Variants in CSMD3 observed in about 807,000 individuals in gnomAD.
CSMD3 encodes CUB and Sushi multiple domains 3, also known as CUB and sushi domain-containing protein 3.
Under a neutral mutation model 435.2 loss-of-function variants are expected in CSMD3, and 177 were observed. The observed-to-expected ratio is 0.41, with a 90% CI of 0.36 to 0.46. The LOEUF is 0.46. Ranked by LOEUF, CSMD3 falls within the 20% of genes least tolerant of loss-of-function variation. The probability of loss-of-function intolerance (pLI) is 0.34; values close to 1 mark genes in which losing one functional copy is unlikely to be tolerated. For missense variants in CSMD3, 4,265 were observed against 4,504.6 expected, an observed-to-expected ratio of 0.95 and a Z score of 1.52; for synonymous variants, 1,656 against 1,520.5, an observed-to-expected ratio of 1.09 and a Z score of -2.07.
At chr8:112,949,668 A>G (rs1723323327) in intron 8 of CSMD3, among the ~76,000 whole-genome samples, 1 of 152,010 alleles carries the variant, frequency 6.6e-6, no homozygotes, top group South Asian at 2.1e-4. Flanking sequence ...TTCCATTTTC[A>G]TCCACCTACA....
intron 3 of CSMD3, among the ~76,000 whole-genome samples, chr8:113,258,276 G>C (rs2093400031): frequency 6.6e-6 from 1 of 152,136 alleles, no homozygotes; most frequent in African/African-American, 2.4e-5. Flanking sequence ...ATTTTTACTA[G>C]TAGAACGAGA....
chr8:112,530,610 A>G (rs1825430308), intron 27 of CSMD3, among the ~76,000 whole-genome samples: 1 of 152,200 alleles, frequency 6.6e-6, no homozygotes, highest in Non-Finnish European at 1.5e-5. Context: ...GGAGCTCATC[A>G]CCATTAGACA....
At chr8:113,154,668 T>C (rs1255045847) in intron 4 of CSMD3, among the ~76,000 whole-genome samples, 1 of 151,986 alleles carries the variant, frequency 6.6e-6, no homozygotes, top group Admixed American at 6.6e-5. Flanking sequence ...AATGAAAAGA[T>C]GCATAGTGCA....
chr8:113,014,740 A>G (rs2086388742), intron 6 of CSMD3, among the ~76,000 whole-genome samples: 1 of 152,126 alleles, frequency 6.6e-6, no homozygotes, highest in South Asian at 2.1e-4. Flanking sequence ...TTAAGACTCA[A>G]AGAAATATGA....
At chr8:113,345,863 C>T (rs563076912) in intron 1 of CSMD3, among the ~76,000 whole-genome samples, 1 of 152,126 alleles carries the variant, frequency 6.6e-6, no homozygotes, top group South Asian at 2.1e-4. Context: ...GATGGGAATT[C>T]ACACACCCCG....
chr8:113,344,506 A>C (rs2094139765), intron 1 of CSMD3, among the ~76,000 whole-genome samples: 1 of 152,144 alleles, frequency 6.6e-6, no homozygotes, highest in Non-Finnish European at 1.5e-5. Flanking sequence ...GCTTCGAAAT[A>C]ATGTGAAATT....
chr8:112,570,412 A>C (rs1410861446), intron 24 of CSMD3, among the ~76,000 whole-genome samples: 1 of 152,236 alleles, frequency 6.6e-6, no homozygotes, highest in East Asian at 1.9e-4. Flanking sequence ...ACCACAAAAG[A>C]AACATTGAAA....
intron 13 of CSMD3, among the ~76,000 whole-genome samples, chr8:112,755,909 GTTTTA>G (rs139913436): frequency 0.33 from 48,451 of 148,946 alleles, 8,707 homozygotes; most frequent in African/African-American, 0.49. Flanking sequence ...ATTTTATTTA[GTTTTA>G]TTTTATTTTA....
intron 13 of CSMD3, among the ~76,000 whole-genome samples, chr8:112,718,772 T>A (rs2076791430): frequency 6.6e-6 from 1 of 152,072 alleles, no homozygotes; most frequent in Non-Finnish European, 1.5e-5. Flanking sequence ...CCTATTTATA[T>A]GTACCTGTCC....
chr8:112,857,414 A>G (rs1442719432), intron 11 of CSMD3, among the ~76,000 whole-genome samples: 2 of 151,808 alleles, frequency 1.3e-5, no homozygotes, highest in African/African-American at 4.8e-5. Context: ...ATTTAAAGTT[A>G]GCAAAGCAAA....
At chr8:112,763,230 T>C (rs1357033693) in intron 13 of CSMD3, among the ~76,000 whole-genome samples, 4 of 151,558 alleles carry the variant, frequency 2.6e-5, no homozygotes, top group Admixed American at 2.6e-4. Context: ...ATTAAAATGA[T>C]AAAATGAAAA....
chr8:112,972,471 AG>A (rs1490560664), intron 7 of CSMD3, among the ~76,000 whole-genome samples: 4 of 151,840 alleles, frequency 2.6e-5, no homozygotes, highest in Non-Finnish European at 4.4e-5. Flanking sequence ...AAGGGCTAAA[AG>A]CAAGGCCTTT....
In CSMD3 at chr8:112,859,242, T is replaced by C; in HGVS notation, c.1658A>G (p.Gln553Arg). Residue 553 changes from glutamine to arginine, a missense_variant, in exon 11 of 71, where the codon CAA (glutamine) becomes CGA (arginine). Physicochemically the swap from Gln to Arg is conservative, Grantham distance 43. Around this residue, in one of 3 missense-constraint regions of CSMD3, gnomAD observed 731 missense variants for 755.4 expected, o/e 0.97. Transcript: ENST00000297405. ...AGATGTAAAGGTACCACTTGGTCCT[T>C]GAAGATTAGAGCCACACGTTTTCAC... ...CKVKTCGSNL[Q>R]GPSGTFTSPN... 1 of 1,611,460 alleles carries C rather than the reference T, an allele frequency of 6.2e-7. No homozygotes were observed. The highest frequency in any genetic ancestry group is 8.5e-7 in the Non-Finnish European group (1 of 1,177,974).
chr8:112,552,565 G>C (rs749795758), intron 26 of CSMD3, 29 bp downstream of exon 26: 1 of 1,604,394 alleles, frequency 6.2e-7, no homozygotes, highest in Non-Finnish European at 8.5e-7. Context: ...AGATTCCCTA[G>C]TAATGTTGAG....
rs575504831 is a variant in CSMD3 at position 113,138,165 on chromosome 8, G to A, written c.709+35557C>T. On this transcript the variant is annotated intron_variant, in intron 4 of 70. Transcript: ENST00000297405. ...ACACTCAAAGGACACTCAATTTACC[G>A]TAATTATTATTCAAAGTGTTTTCCT... 5.3e-5 allele frequency among the ~76,000 whole-genome samples: 8 copies of A among 151,250 alleles called. No individual in the cohort carries two copies. In the East Asian group the frequency reaches 7.8e-4, roughly 15 times the overall value.
chr8:113,097,840 A>G (rs1375212010), intron 5 of CSMD3, among the ~76,000 whole-genome samples: 1 of 152,010 alleles, frequency 6.6e-6, no homozygotes, highest in Non-Finnish European at 1.5e-5. Flanking sequence ...TTTTATTTCA[A>G]TACTGCCTTC....
At chr8:113,222,310 C>T (rs2092976960) in intron 3 of CSMD3, among the ~76,000 whole-genome samples, 1 of 150,926 alleles carries the variant, frequency 6.6e-6, no homozygotes, top group Admixed American at 6.6e-5. Flanking sequence ...GGGAAGATCT[C>T]TCTTCTTCTT....
At chr8:113,426,625 G>A (rs560073409) in intron 1 of CSMD3, among the ~76,000 whole-genome samples, 100 of 151,368 alleles carry the variant, frequency 6.6e-4, no homozygotes, top group Non-Finnish European at 1.1e-3. Context: ...GAAACAAATG[G>A]CTAATAGGAA....
At chr8:112,285,379 C>A (rs772571715) in intron 58 of CSMD3, among the ~76,000 whole-genome samples, 2 of 152,032 alleles carry the variant, frequency 1.3e-5, no homozygotes, top group African/African-American at 2.4e-5. Context: ...TTTTCCAAGT[C>A]TTTTCCCTAT....
Sources: allele counts gnomAD v4.1 joint callset (sites outside exome capture counted in the v4.1 genomes callset), GRCh38; gene constraint gnomAD v4.1.1; regional missense constraint gnomAD v4.1.1; transcripts MANE v1.5; gene names NCBI Gene and HGNC (gene_info 2026-07-23, HGNC 2026-07-21).